The following RORA variants were observed in gnomAD, a reference collection of about 807,000 sequenced individuals.
RORA encodes RAR related orphan receptor A, also known as nuclear receptor ROR-alpha.
Under a neutral mutation model 69.5 loss-of-function variants are expected in RORA, and 7 were observed. The observed-to-expected ratio is 0.10, with a 90% CI of 0.06 to 0.19. RORA has a LOEUF of 0.19. Among genes scored for constraint, RORA ranks in the 10% least tolerant of loss-of-function variants. The pLI, the probability that RORA is intolerant of heterozygous loss-of-function variation, is 1.00. For missense variants in RORA, 457 were observed against 663.0 expected (o/e 0.69, Z 3.41); for synonymous variants, 261 against 240.8 (o/e 1.08, Z -0.78).
At chr15:60,757,097 T>A (rs943301361) in intron 1 of RORA, among the ~76,000 whole-genome samples, 1 of 152,178 alleles carries the variant, frequency 6.6e-6, no homozygotes, top group African/African-American at 2.4e-5. Flanking sequence ...TTTAAAAAAA[T>A]GTTCAAATAA....
Position 61,024,740 on chromosome 15 carries a change from G to A in RORA, c.166+204313C>T, listed in dbSNP as rs1430817890. On this transcript the variant is annotated intron_variant, in intron 1 of 10. Transcript: ENST00000335670. ...GCTGGGATTACAGGCATGAGCCACT[G>A]CACCTGGTCCTGGCTACATTTTGTA... Among the ~76,000 whole-genome samples, 8 of 152,114 alleles carry A rather than the reference G, an allele frequency of 5.3e-5. No individual in the cohort carries two copies. The East Asian group carries it at 1.6e-3, about 29-fold the overall frequency.
chr15:60,832,853 C>G (rs534367558), intron 1 of RORA, among the ~76,000 whole-genome samples: 1 of 152,164 alleles, frequency 6.6e-6, no homozygotes, highest in African/African-American at 2.4e-5. Flanking sequence ...CTGTGTCTCC[C>G]GCCATCCAGC....
At chr15:60,497,737 T>C (rs1162617128) in intron 10 of RORA, 118 bp from the exon 11 acceptor site, 10 of 814,868 alleles carry the variant, frequency 1.2e-5, no homozygotes, top group Middle Eastern at 2.3e-4. Flanking sequence ...TTAAAGCAAC[T>C]TAAACATCCA....
At chr15:60,606,298 G>A (rs2068943472) in intron 2 of RORA, among the ~76,000 whole-genome samples, 1 of 152,098 alleles carries the variant, frequency 6.6e-6, no homozygotes, top group Non-Finnish European at 1.5e-5. Flanking sequence ...TGAATTAAAG[G>A]GCTCCTAATT....
intron 1 of RORA, among the ~76,000 whole-genome samples, chr15:60,702,918 G>A (rs1050810353): frequency 5.3e-5 from 8 of 152,066 alleles, no homozygotes; most frequent in Admixed American, 3.3e-4. Context: ...GCAGTGCTGC[G>A]GAATATTCCA....
chr15:61,109,920 C>T (rs2078987524), intron 1 of RORA, among the ~76,000 whole-genome samples: 1 of 152,088 alleles, frequency 6.6e-6, no homozygotes, highest in South Asian at 2.1e-4. Flanking sequence ...GTCATGTGTC[C>T]CATAAAGACA....
intron 2 of RORA, among the ~76,000 whole-genome samples, chr15:60,609,111 T>A (rs1442166800): frequency 6.6e-6 from 1 of 152,120 alleles, no homozygotes; most frequent in African/African-American, 2.4e-5. Flanking sequence ...GGTCAGGAGG[T>A]CTAGGCAGGC....
At chr15:60,767,896 C>T (rs753411289) in intron 1 of RORA, among the ~76,000 whole-genome samples, 39 of 152,172 alleles carry the variant, frequency 2.6e-4, no homozygotes, top group Admixed American at 2.6e-3. Flanking sequence ...ACACTGGTGG[C>T]TTTTCACTGG....
At chr15:61,175,237 A>G (rs538201383) in intron 1 of RORA, among the ~76,000 whole-genome samples, 1 of 152,322 alleles carries the variant, frequency 6.6e-6, no homozygotes, top group Admixed American at 6.5e-5. Flanking sequence ...GGCTGTGTCC[A>G]TGGTCCTGAA....
intron 1 of RORA, among the ~76,000 whole-genome samples, chr15:61,072,450 G>C (rs1220243651): frequency 6.6e-6 from 1 of 152,168 alleles, no homozygotes; most frequent in Middle Eastern, 3.2e-3. Flanking sequence ...AATCACTAGA[G>C]TGCAGAAGTT....
At chr15:60,504,029 C>A (rs1055471351) in intron 6 of RORA, among the ~76,000 whole-genome samples, 1 of 151,870 alleles carries the variant, frequency 6.6e-6, no homozygotes, top group African/African-American at 2.4e-5. Flanking sequence ...TCTTGAACTC[C>A]GGACCTCAAG....
At chr15:60,519,273 A>G (rs1021746412) in intron 3 of RORA, among the ~76,000 whole-genome samples, 1 of 152,196 alleles carries the variant, frequency 6.6e-6, no homozygotes, top group African/African-American at 2.4e-5. Flanking sequence ...CTGACTTCAT[A>G]CTAGGCACTC....
Position 60,855,713 on chromosome 15 carries a change from C to T in RORA, c.167-177027G>A, listed in dbSNP as rs191131483. Among the ~76,000 whole-genome samples, 415 of 152,072 alleles carry T rather than the reference C, an allele frequency of 2.7e-3. 3 individuals carry two copies. Among genetic ancestry groups the T allele is most frequent in the African/African-American group, 9.5e-3 (392 of 41,464 alleles). On this transcript the variant is annotated intron_variant, in intron 1 of 10. Coordinates refer to ENST00000335670, the MANE Select transcript of RORA (RefSeq NM_134261.3). The stretch of plus-strand genomic sequence containing the variant: ...TCAGCTCACTGCAGCCTCCGCCTCC[C>T]GGATTTAAGCGATTCTCCTGCCTCA...
intron 1 of RORA, among the ~76,000 whole-genome samples, chr15:61,004,276 G>GAGAGAA (rs1894840527): frequency 6.6e-6 from 1 of 151,866 alleles, no homozygotes; most frequent in East Asian, 1.9e-4. Flanking sequence ...GAGAGAGGGA[G>GAGAGAA]AGAGAAAGAG....
chr15:60,922,168 TGGGG>T (rs1170895062), intron 1 of RORA, among the ~76,000 whole-genome samples: 1 of 152,038 alleles, frequency 6.6e-6, no homozygotes, highest in African/African-American at 2.4e-5. Flanking sequence ...TGTTGGGGCT[TGGGG>T]GAGGGAAGGG....
At chr15:61,165,068 TAG>T (rs1438695162) in intron 1 of RORA, among the ~76,000 whole-genome samples, 1 of 152,180 alleles carries the variant, frequency 6.6e-6, no homozygotes, top group Non-Finnish European at 1.5e-5. Flanking sequence ...CTTCTCTCTG[TAG>T]GTTCCCCTAG....
intron 1 of RORA, among the ~76,000 whole-genome samples, chr15:61,037,194 G>A (rs1896500434): frequency 6.6e-6 from 1 of 152,150 alleles, no homozygotes; most frequent in South Asian, 2.1e-4. Flanking sequence ...TGAAAAATAT[G>A]TAAAGTACTT....
chr15:60,926,758 C>T (rs1027592814), intron 1 of RORA, among the ~76,000 whole-genome samples: 33 of 152,134 alleles, frequency 2.2e-4, no homozygotes, highest in Non-Finnish European at 1.5e-4. Flanking sequence ...TGAAATATCC[C>T]GCATCATAAA....
At chr15:61,137,564 C>A (rs202016252) in intron 1 of RORA, among the ~76,000 whole-genome samples, 5 of 152,244 alleles carry the variant, frequency 3.3e-5, no homozygotes, top group African/African-American at 1.2e-4. Context: ...CTTGCAGCAG[C>A]AGTCACAGAG....
Sources: allele counts gnomAD v4.1 joint callset (sites outside exome capture counted in the v4.1 genomes callset), GRCh38; gene constraint gnomAD v4.1.1; transcripts MANE v1.5; gene names NCBI Gene and HGNC (gene_info 2026-07-23, HGNC 2026-07-21).